TBC1D12: variants seen among roughly 807,000 people sequenced by gnomAD.
TBC1D12 encodes TBC1 domain family, member 12.
TBC1D12 carries 56 observed loss-of-function variants against 86.7 expected under a neutral mutation model. The observed-to-expected ratio is 0.65, with a 90% CI of 0.52 to 0.81. The LOEUF is 0.81. TBC1D12 is among the 30% of genes least tolerant of loss of function. The pLI, the probability that TBC1D12 is intolerant of heterozygous loss-of-function variation, is 0.00. For missense variants in TBC1D12, 1,023 were observed against 1,038.8 expected (o/e 0.98, Z 0.21); for synonymous variants, 421 against 411.7 (o/e 1.02, Z -0.27).
chr10:94,531,697 ATGTTATGTTATTTTATGTTATTTTATG>A (rs1842424522), intron 12 of TBC1D12, among the ~76,000 whole-genome samples: 4 of 138,970 alleles, frequency 2.9e-5, no homozygotes, highest in African/African-American at 1.1e-4. Context: ...ATGTTATTTT[ATGTTATGTTATTTTATGTTATTTTATG>A]TTATTTTATG....
chr10:94,478,852 G>A (rs77783814), intron 3 of TBC1D12, among the ~76,000 whole-genome samples: 3,210 of 152,174 alleles, frequency 0.021, 112 homozygotes, highest in African/African-American at 0.071. Context: ...ACCTGCTCAG[G>A]AGGCTGAGGC....
At chr10:94,476,935 C>T (rs1275092338) in intron 3 of TBC1D12, among the ~76,000 whole-genome samples, 1 of 152,170 alleles carries the variant, frequency 6.6e-6, no homozygotes, top group Non-Finnish European at 1.5e-5. Context: ...ATTTCTTCAG[C>T]CTTCCGTTGT....
At chr10:94,508,411 A>G (rs1021904913) in intron 7 of TBC1D12, 12 of 152,284 alleles carry the variant, frequency 7.9e-5, no homozygotes, top group Admixed American at 6.5e-4. Flanking sequence ...GATTGCAGGC[A>G]TGAACCACTG....
intron 5 of TBC1D12, among the ~76,000 whole-genome samples, chr10:94,497,512 A>C (rs1441572717): frequency 6.8e-6 from 1 of 147,336 alleles, no homozygotes; most frequent in Non-Finnish European, 1.5e-5. Context: ...GTGTCTGCTA[A>C]ATCTTTTTTT....
intron 1 of TBC1D12, among the ~76,000 whole-genome samples, chr10:94,410,214 T>C (rs2054912123): frequency 6.6e-6 from 1 of 152,200 alleles, no homozygotes. Context: ...ATATTGGAAA[T>C]GAGTTATGCA....
intron 4 of TBC1D12, 73 bp from the exon 5 acceptor site, chr10:94,496,982 G>A (rs2056328814): frequency 1.2e-6 from 1 of 819,424 alleles, no homozygotes; most frequent in East Asian, 3.3e-5. Flanking sequence ...ATTTTGTAGA[G>A]TTTAGGTAAA....
At chr10:94,408,789 G>A (rs2054890301) in intron 1 of TBC1D12, among the ~76,000 whole-genome samples, 1 of 151,970 alleles carries the variant, frequency 6.6e-6, no homozygotes, top group South Asian at 2.1e-4. Context: ...AATCACTAAA[G>A]AAAAGGCAAA....
rs554215242 is a variant in TBC1D12, at chr10:94,514,101, C to A, written c.1761+2447C>A. Among the ~76,000 whole-genome samples the A allele has an allele frequency of 1.9e-4, 28 of 150,304 alleles. No homozygotes were observed. The South Asian group carries it at 5.9e-3, about 32-fold the overall frequency. On this transcript the variant is annotated intron_variant, in intron 9 of 12. Coordinates refer to ENST00000225235, the MANE Select transcript of TBC1D12 (RefSeq NM_015188.2). ...GGTGGCTCATGCCTGTAATCCCAGG[C>A]ATGTAATCCCAGGCATGTAATCCCA...
At chr10:94,413,528 T>C (rs921688911) in intron 1 of TBC1D12, among the ~76,000 whole-genome samples, 2 of 152,196 alleles carry the variant, frequency 1.3e-5, no homozygotes, top group African/African-American at 4.8e-5. Context: ...CATTTGCTGC[T>C]TCAGCCTTTC....
intron 6 of TBC1D12, among the ~76,000 whole-genome samples, chr10:94,500,565 C>G (rs2056382542): frequency 6.6e-6 from 1 of 152,138 alleles, no homozygotes; most frequent in African/African-American, 2.4e-5. Flanking sequence ...TATCAATAAT[C>G]TTCTTGGCAT....
At chr10:94,494,640 C>T (rs1252104417) in intron 4 of TBC1D12, among the ~76,000 whole-genome samples, 2 of 151,848 alleles carry the variant, frequency 1.3e-5, no homozygotes, top group Non-Finnish European at 2.9e-5. Flanking sequence ...ATCTCCCAGG[C>T]TCAGGAGATC....
At chr10:94,405,046 CA>C (rs59300913) in intron 1 of TBC1D12, among the ~76,000 whole-genome samples, 22,291 of 112,190 alleles carry the variant, frequency 0.2, 1,934 homozygotes, top group East Asian at 0.44. Context: ...AGACTTCTCT[CA>C]AAAAAAAAAA....
chr10:94,532,931 A>G (rs1020608382), intron 12 of TBC1D12, 97 bp from the exon 13 acceptor site: 32 of 696,480 alleles, frequency 4.6e-5, no homozygotes, highest in Non-Finnish European at 6.8e-5. Context: ...GTTAAGTATA[A>G]TAAAGCTTTT....
In TBC1D12 at chr10:94,497,076, GA is replaced by G; in HGVS notation, c.1321del (p.Arg441GlufsTer3). 1.9e-6 allele frequency: 3 copies of G among 1,566,666 alleles called. No homozygotes were observed. Among genetic ancestry groups the G allele is most frequent in the East Asian group, 2.4e-5 (1 of 41,416 alleles). The stretch of plus-strand genomic sequence containing the variant: ...ACAGAAATTAAGGAAGCACATAAAA[GA>G]AAAAGAATCATGAAAGAACGATTTA... ...KKREIKEAHK[R>X]KRIMKERFKQ... On this transcript the variant is annotated frameshift_variant, in exon 5 of 13. Transcript: ENST00000225235. LOFTEE classifies it high-confidence loss of function.
intron 2 of TBC1D12, among the ~76,000 whole-genome samples, chr10:94,471,790 C>A (rs80256791): frequency 6.6e-6 from 1 of 152,224 alleles, no homozygotes; most frequent in African/African-American, 2.4e-5. Context: ...TCTAGTCTCA[C>A]TCTCCGGAGG....
intron 6 of TBC1D12, 108 bp from the exon 7 acceptor site, chr10:94,507,159 C>A: frequency 9.7e-7 from 1 of 1,026,220 alleles, no homozygotes; most frequent in Non-Finnish European, 1.4e-6. Context: ...TTGATGCTTG[C>A]TACATCAGAG....
chr10:94,532,929 T>C, intron 12 of TBC1D12, 99 bp from the exon 13 acceptor site: 2 of 684,138 alleles, frequency 2.9e-6, no homozygotes, highest in South Asian at 3.8e-5. Context: ...GTGTTAAGTA[T>C]AATAAAGCTT....
intron 1 of TBC1D12, among the ~76,000 whole-genome samples, chr10:94,429,828 G>A (rs576979306): frequency 6.6e-6 from 1 of 152,138 alleles, no homozygotes; most frequent in African/African-American, 2.4e-5. Context: ...TGACCTCCTG[G>A]GCTCAAGTGA....
chr10:94,512,941 T>C (rs2056543534), intron 9 of TBC1D12, among the ~76,000 whole-genome samples: 1 of 152,188 alleles, frequency 6.6e-6, no homozygotes. Flanking sequence ...TGACATCTTA[T>C]AGTTTTCTAA....
Sources: gnomAD v4.1 joint callset for allele counts (sites outside exome capture counted in the v4.1 genomes callset) on GRCh38, gnomAD v4.1.1 for gene constraint, MANE v1.5 for transcripts, NCBI Gene and HGNC (gene_info 2026-07-23, HGNC 2026-07-21) for gene names.